DOCK7: variants seen among roughly 807,000 people sequenced by gnomAD.
DOCK7 encodes dedicator of cytokinesis protein 7.
In DOCK7, 138 loss-of-function variants were observed where a neutral mutation model predicts 271.0. The ratio of observed to expected loss-of-function variants is 0.51; its 90% confidence interval spans 0.44 to 0.59. The LOEUF (loss-of-function observed/expected upper bound fraction) is 0.59, where lower values mean the gene tolerates loss of function less well. Among genes scored for constraint, DOCK7 ranks in the 20% least tolerant of loss-of-function variants. The pLI, the probability that DOCK7 is intolerant of heterozygous loss-of-function variation, is 0.00. For synonymous variants in DOCK7, 823 were observed against 876.1 expected, an observed-to-expected ratio of 0.94 and a Z score of 1.07; for missense variants, 2,066 against 2,592.4, an observed-to-expected ratio of 0.80 and a Z score of 4.41.
At chr1:62,465,413 T>C (rs1245467097) in intron 48 of DOCK7, among the ~76,000 whole-genome samples, 1 of 151,986 alleles carries the variant, frequency 6.6e-6, no homozygotes, top group Non-Finnish European at 1.5e-5. Flanking sequence ...CTTGGTATTA[T>C]AGATTGAGAT....
At chr1:62,590,698 T>G (rs1428846752) in intron 14 of DOCK7, among the ~76,000 whole-genome samples, 2 of 152,096 alleles carry the variant, frequency 1.3e-5, no homozygotes, top group Non-Finnish European at 2.9e-5. Flanking sequence ...CAGACACTTC[T>G]GAAAAGAAGA....
At chr1:62,490,121 A>G (rs1413940894) in intron 41 of DOCK7, among the ~76,000 whole-genome samples, 2 of 140,562 alleles carry the variant, frequency 1.4e-5, no homozygotes, top group Non-Finnish European at 3.0e-5. Context: ...TTTAGGTTGG[A>G]GTGCAGTGGT....
chr1:62,578,738 AAC>A, intron 17 of DOCK7, 88 bp downstream of exon 17: 5 of 1,056,064 alleles, frequency 4.7e-6, no homozygotes, highest in South Asian at 1.7e-5. Flanking sequence ...AAAAAAAAAA[AAC>A]CCACAAATGA....
At chr1:62,635,846 C>G (rs1407175282) in intron 8 of DOCK7, among the ~76,000 whole-genome samples, 1 of 151,926 alleles carries the variant, frequency 6.6e-6, no homozygotes, top group Non-Finnish European at 1.5e-5. Context: ...AACTCCTGGC[C>G]TCAAGCAATT....
chr1:62,468,318 G>A (rs1023456705), intron 48 of DOCK7, among the ~76,000 whole-genome samples: 1 of 137,554 alleles, frequency 7.3e-6, no homozygotes, highest in Non-Finnish European at 1.5e-5. Flanking sequence ...CCAAGATCGC[G>A]CCATTGCACT....
intron 7 of DOCK7, among the ~76,000 whole-genome samples, 158 bp from the exon 8 acceptor site, chr1:62,636,761 T>C (rs1436274832): frequency 1.3e-5 from 2 of 152,196 alleles, no homozygotes; most frequent in Non-Finnish European, 1.5e-5. Context: ...CACTCTTCTA[T>C]GCATATCGTT....
chr1:62,602,617 T>C (rs577802781), intron 14 of DOCK7, among the ~76,000 whole-genome samples: 3 of 151,866 alleles, frequency 2.0e-5, no homozygotes, highest in African/African-American at 7.2e-5. Flanking sequence ...CTTATCACAA[T>C]TTAATTCCAC....
At chr1:62,575,088 T>A (rs1646904990) in intron 18 of DOCK7, among the ~76,000 whole-genome samples, 1 of 152,150 alleles carries the variant, frequency 6.6e-6, no homozygotes, top group African/African-American at 2.4e-5. Context: ...TGGAGGGCAC[T>A]GGCTAGTCAA....
At chr1:62,498,079 A>AG (rs1646673592) in intron 37 of DOCK7, among the ~76,000 whole-genome samples, 1 of 105,840 alleles carries the variant, frequency 9.4e-6, no homozygotes, top group Non-Finnish European at 2.2e-5. Context: ...ATGTCTACGA[A>AG]ATTTTTTTTT....
At chr1:62,548,484 G>A (rs1645785923) in intron 22 of DOCK7, among the ~76,000 whole-genome samples, 1 of 150,176 alleles carries the variant, frequency 6.7e-6, no homozygotes, top group Non-Finnish European at 1.5e-5. Context: ...GCAATGGCGC[G>A]ATCTTGGCTC....
intron 20 of DOCK7, among the ~76,000 whole-genome samples, chr1:62,556,849 G>A (rs1013883835): frequency 3.3e-5 from 5 of 152,002 alleles, no homozygotes; most frequent in African/African-American, 9.7e-5. Flanking sequence ...GAACTAGAGG[G>A]GAAAGAGACC....
chr1:62,539,898 A>C lies in DOCK7; in HGVS notation c.3046-6T>G, dbSNP rs764276917. On this transcript the variant is annotated splice_region_variant and splice_polypyrimidine_tract_variant and intron_variant, in intron 25 of 49. Coordinates refer to ENST00000635253, the MANE Select transcript of DOCK7 (RefSeq NM_001367561.1). ...TGGTGCACCATGCTCTTTACCTGAA[A>C]AAAAGATATAAATTATTAATTTCCT... 21 of 1,551,530 alleles carry C rather than the reference A, an allele frequency of 1.4e-5. No individual in the cohort carries two copies. Among genetic ancestry groups the C allele is most frequent in the Non-Finnish European group, 1.8e-5 (21 of 1,146,598 alleles).
chr1:62,529,038 A>G (rs1316764974), intron 30 of DOCK7, among the ~76,000 whole-genome samples: 1 of 152,232 alleles, frequency 6.6e-6, no homozygotes, highest in African/African-American at 2.4e-5. Flanking sequence ...ATGTAGGTAC[A>G]GAATTGCTAT....
At chr1:62,596,300 C>T (rs563860868) in intron 14 of DOCK7, among the ~76,000 whole-genome samples, 1 of 152,116 alleles carries the variant, frequency 6.6e-6, no homozygotes, top group Non-Finnish European at 1.5e-5. Context: ...CTAGAGCCGG[C>T]TTTTGGACCC....
At chr1:62,468,379 A>G (rs1474481503) in intron 48 of DOCK7, among the ~76,000 whole-genome samples, 3 of 151,006 alleles carry the variant, frequency 2.0e-5, no homozygotes, top group Admixed American at 2.0e-4. Context: ...AAAAAAAAAA[A>G]GCATCAGCAA....
intron 14 of DOCK7, among the ~76,000 whole-genome samples, chr1:62,589,654 T>C (rs1017932550): frequency 5.3e-5 from 8 of 152,010 alleles, no homozygotes; most frequent in Non-Finnish European, 1.2e-4. Flanking sequence ...CCAGACTTCA[T>C]ACTGATATTT....
At chr1:62,485,322 C>T (rs1294002615) in intron 43 of DOCK7, 1 of 985,096 alleles carries the variant, frequency 1.0e-6, no homozygotes, top group African/African-American at 1.7e-5. Flanking sequence ...TACTGAAATA[C>T]TAAGTTTTAG....
At chr1:62,496,550 G>C in intron 37 of DOCK7, 53 bp from the exon 38 acceptor site, 1 of 1,494,174 alleles carries the variant, frequency 6.7e-7, no homozygotes, top group Non-Finnish European at 9.0e-7. Flanking sequence ...GCTTTAAAAA[G>C]TCTGCTATTT....
At chr1:62,473,174 C>T (rs1645878315) in intron 48 of DOCK7, among the ~76,000 whole-genome samples, 2 of 152,130 alleles carry the variant, frequency 1.3e-5, no homozygotes, top group Non-Finnish European at 2.9e-5. Context: ...CTAATCTGCA[C>T]AGCTTCCCTA....
Sources: allele counts gnomAD v4.1 joint callset (sites outside exome capture counted in the v4.1 genomes callset), GRCh38; gene constraint gnomAD v4.1.1; transcripts MANE v1.5; gene names NCBI Gene and HGNC (gene_info 2026-07-23, HGNC 2026-07-21).